TRPM7: variants seen among roughly 807,000 people sequenced by gnomAD.
The protein encoded by TRPM7 is transient receptor potential cation channel subfamily M member 7.
TRPM7 carries 134 observed loss-of-function variants against 229.7 expected under a neutral mutation model. That is an observed-to-expected ratio of 0.58 (90% CI 0.51 to 0.67). The LOEUF (loss-of-function observed/expected upper bound fraction) is 0.67. TRPM7 is among the 30% of genes least tolerant of loss of function. The pLI is 0.00. For missense variants in TRPM7, 1,901 were observed against 2,210.0 expected, an observed-to-expected ratio of 0.86 and a Z score of 2.80; for synonymous variants, 699 against 715.2, an observed-to-expected ratio of 0.98 and a Z score of 0.36.
At chr15:50,581,045 AAAC>A (rs1342952781) in intron 29 of TRPM7, 137 bp from the exon 30 acceptor site, 38 of 680,216 alleles carry the variant, frequency 5.6e-5, no homozygotes, top group Non-Finnish European at 7.6e-5. Flanking sequence ...TTGTTTCATA[AAAC>A]AATAAATTTA....
intron 1 of TRPM7, among the ~76,000 whole-genome samples, chr15:50,663,450 T>C (rs191889076): frequency 9.9e-4 from 150 of 152,244 alleles, no homozygotes; most frequent in Non-Finnish European, 1.8e-3. Flanking sequence ...TACTACATAA[T>C]TTTTTATTTA....
intron 2 of TRPM7, among the ~76,000 whole-genome samples, chr15:50,661,706 T>C (rs2061728609): frequency 6.6e-6 from 1 of 152,214 alleles, no homozygotes; most frequent in South Asian, 2.1e-4. Flanking sequence ...CTAAGAGTTA[T>C]ATATCTAACA....
intron 1 of TRPM7, among the ~76,000 whole-genome samples, chr15:50,667,774 TA>T (rs1337485460): frequency 6.6e-6 from 1 of 152,224 alleles, no homozygotes; most frequent in Non-Finnish European, 1.5e-5. Flanking sequence ...TATAAGGTTT[TA>T]TTAAGAACTG....
At chr15:50,610,104 A>C (rs1234330298) in intron 17 of TRPM7, 143 bp from the exon 18 acceptor site, 2 of 610,388 alleles carry the variant, frequency 3.3e-6, no homozygotes, top group East Asian at 2.9e-5. Context: ...GAGGGAAAAA[A>C]AACAACAAAT....
intron 2 of TRPM7, among the ~76,000 whole-genome samples, chr15:50,660,338 T>A (rs1296971969): frequency 6.6e-6 from 1 of 151,976 alleles, no homozygotes; most frequent in African/African-American, 2.4e-5. Flanking sequence ...AAATCCAAAT[T>A]TAAAATATAT....
intron 23 of TRPM7, 38 bp from the exon 24 acceptor site, chr15:50,594,651 T>A: frequency 1.5e-6 from 2 of 1,379,188 alleles, no homozygotes; most frequent in Non-Finnish European, 2.0e-6. Context: ...TAAACTTTGT[T>A]AATCATCTCT....
At position 50,574,477 on chromosome 15, in the gene TRPM7, A is replaced by T; in HGVS notation, c.5105T>A (p.Phe1702Tyr). The T allele has an allele frequency of 6.2e-7, 1 of 1,607,348 alleles. No homozygotes were observed. The highest frequency in any genetic ancestry group is 8.5e-7 in the Non-Finnish European group (1 of 1,177,446). ...GCAATACAGCAGGAAAACTTCAAGGAACCTTATAAAAAATAGTTATAAATA... is the reference window on the plus strand; with the variant it reads ...GCAATACAGCAGGAAAACTTCAAGGTACCTTATAAAAAATAGTTATAAATA... ...KPKSIPYSPR[F>Y]LEVFLLYCHS... The change falls in exon 36 of 39, where the codon TTC (phenylalanine) becomes TAC (tyrosine). Residue 1702 changes from phenylalanine to tyrosine, a missense_variant and splice_region_variant. By Grantham distance (22) the Phe-to-Tyr change is conservative. Coordinates refer to ENST00000646667, the MANE Select transcript of TRPM7 (RefSeq NM_017672.6).
At chr15:50,663,164 T>C in intron 1 of TRPM7, 118 bp from the exon 2 acceptor site, 1 of 754,112 alleles carries the variant, frequency 1.3e-6, no homozygotes. Context: ...GTTTTGCTCT[T>C]GTTGCCCAGA....
intron 27 of TRPM7, chr15:50,588,303 A>G (rs1318981410): frequency 1.1e-6 from 1 of 913,004 alleles, no homozygotes; most frequent in African/African-American, 1.8e-5. Flanking sequence ...AGGCAAATAC[A>G]GAAAGGAAAA....
chr15:50,569,373 T>C lies in TRPM7; in HGVS notation c.5467+514A>G, dbSNP rs936680967. On this transcript the variant is annotated intron_variant, in intron 38 of 38. Coordinates refer to ENST00000646667, the MANE Select transcript of TRPM7 (RefSeq NM_017672.6). ...CAGTTCCTGTTCCTGCTTGATCAAA[T>C]AGCCTTTTCTCAATTCTTCTGCAAG... Among the ~76,000 whole-genome samples the C allele has an allele frequency of 4.6e-5, 7 of 152,314 alleles. No individual in the cohort carries two copies. The Middle Eastern group carries it at 0.01, about 222-fold the overall frequency.
intron 3 of TRPM7, among the ~76,000 whole-genome samples, chr15:50,651,365 G>A (rs1158156946): frequency 6.6e-6 from 1 of 152,192 alleles, no homozygotes; most frequent in Non-Finnish European, 1.5e-5. Flanking sequence ...CATGCTTGAC[G>A]CCGGGTGTGG....
chr15:50,610,654 G>C (rs2060041015), intron 17 of TRPM7, among the ~76,000 whole-genome samples: 1 of 152,076 alleles, frequency 6.6e-6, no homozygotes, highest in South Asian at 2.1e-4. Context: ...CATAAAAACA[G>C]GCCACATGGA....
chr15:50,601,084 T>C (rs2059768743), intron 21 of TRPM7, among the ~76,000 whole-genome samples: 1 of 152,240 alleles, frequency 6.6e-6, no homozygotes, highest in South Asian at 2.1e-4. Context: ...TATTAAAACA[T>C]TATTCATGCT....
Position 50,660,207 on chromosome 15 carries a change from G to C in TRPM7, c.84-2388C>G, listed in dbSNP as rs1262059515. 7.9e-5 allele frequency among the ~76,000 whole-genome samples: 12 copies of C among 152,202 alleles called. No homozygotes were observed. In the South Asian group the frequency reaches 1.0e-3, roughly 13 times the overall value. On this transcript the variant is annotated intron_variant, in intron 2 of 38. Transcript: ENST00000646667. ...AATAAATCATAGACTCTAATGATTG[G>C]AAGAGATGTTAAGGTTATCTATTTT...
intron 1 of TRPM7, among the ~76,000 whole-genome samples, chr15:50,672,521 G>A (rs552650980): frequency 6.6e-6 from 1 of 152,214 alleles, no homozygotes; most frequent in Admixed American, 6.5e-5. Flanking sequence ...TTCTACTGAT[G>A]ATCCTGACCC....
intron 4 of TRPM7, 144 bp from the exon 5 acceptor site, chr15:50,643,697 C>T (rs1596291048): frequency 1.6e-6 from 1 of 619,898 alleles, no homozygotes; most frequent in Non-Finnish European, 2.8e-6. Context: ...ATTTATACTC[C>T]AAGGAATAAG....
chr15:50,664,144 A>C (rs1323228041), intron 1 of TRPM7, among the ~76,000 whole-genome samples: 2 of 151,926 alleles, frequency 1.3e-5, no homozygotes, highest in Non-Finnish European at 2.9e-5. Flanking sequence ...CTAAAAATAC[A>C]AAAATTAGCT....
At chr15:50,601,472 T>C (rs2059777735) in intron 21 of TRPM7, among the ~76,000 whole-genome samples, 1 of 152,048 alleles carries the variant, frequency 6.6e-6, no homozygotes, top group African/African-American at 2.4e-5. Context: ...TGAAACCCTG[T>C]CTCCACTAAA....
chr15:50,592,603 A>G lies in TRPM7; in HGVS notation c.3632T>C (p.Ile1211Thr), dbSNP rs56090496. The change falls in exon 26 of 39, where the codon ATT (isoleucine) becomes ACT (threonine). Residue 1211 changes from isoleucine to threonine, a missense_variant. This residue lies in a region of TRPM7 where 533 missense variants were observed against 497.1 expected (regional missense o/e 1.07). Coordinates refer to ENST00000646667, the MANE Select transcript of TRPM7 (RefSeq NM_017672.6). ...GTTGACACGATCTCCAACTTCTTTA[A>G]TCTGAATGCACATCTGTTCCACTCT... ...FERVEQMCIQ[I>T]KEVGDRVNYI... The G allele has an allele frequency of 4.4e-6, 7 of 1,600,206 alleles. No individual in the cohort carries two copies. The East Asian group carries it at 8.9e-5, about 20-fold the overall frequency.
Sources: allele counts gnomAD v4.1 joint callset (sites outside exome capture counted in the v4.1 genomes callset), GRCh38; gene constraint gnomAD v4.1.1; regional missense constraint gnomAD v4.1.1; transcripts MANE v1.5; gene names NCBI Gene and HGNC (gene_info 2026-07-23, HGNC 2026-07-21).